The following DIAPH2 variants were observed in gnomAD, a reference collection of about 807,000 sequenced individuals.
DIAPH2 encodes diaphanous related formin 2.
In DIAPH2, 35 loss-of-function variants were observed where a neutral mutation model predicts 92.7. The ratio of observed to expected loss-of-function variants is 0.38; its 90% CI spans 0.29 to 0.50. The LOEUF (loss-of-function observed/expected upper bound fraction) is 0.50. DIAPH2 is among the 20% of genes least tolerant of loss of function. The pLI, the probability that DIAPH2 is intolerant of heterozygous loss-of-function variation, is 0.94. For missense variants in DIAPH2, 701 were observed against 819.5 expected (o/e 0.86, Z 1.77); for synonymous variants, 301 against 280.4 (o/e 1.07, Z -0.73).
chrX:97,039,886 T>G (rs751130622), intron 17 of DIAPH2, among the ~76,000 whole-genome samples: 1 of 111,766 alleles, frequency 8.9e-6, no homozygotes, highest in East Asian at 2.8e-4. Context: ...AATCTCACCA[T>G]GTAGATGAGT....
intron 4 of DIAPH2, among the ~76,000 whole-genome samples, chrX:96,846,538 G>A (rs2064973708): frequency 8.9e-6 from 1 of 112,274 alleles, no homozygotes; most frequent in Non-Finnish European, 1.9e-5. Flanking sequence ...TAAAGCAAAT[G>A]TATAAATATA....
chrX:96,881,642 C>A lies in DIAPH2; in HGVS notation c.511C>A (p.Arg171=), dbSNP rs1427552902. The change falls in exon 5 of 27, where the codon CGA becomes AGA. Residue 171 remains arginine (R), a synonymous_variant. Coordinates refer to ENST00000324765, the MANE Select transcript of DIAPH2 (RefSeq NM_006729.5). The part of the protein sequence containing the change: ...LSSQEYVHEL[R]SGISDEKLLN... ...TTCACAAGAATATGTTCATGAATTACGATCGGGTATATCAGATGAGAAACT... is the reference window on the plus strand; with the variant it reads ...TTCACAAGAATATGTTCATGAATTAAGATCGGGTATATCAGATGAGAAACT... The A allele has an allele frequency of 8.3e-7, 1 of 1,206,627 alleles. No individual in the cohort carries two copies. Among genetic ancestry groups the A allele is most frequent in the South Asian group, 1.8e-5 (1 of 56,445 alleles).
At chrX:97,378,533 G>A (rs760839119) in intron 24 of DIAPH2, among the ~76,000 whole-genome samples, 45 of 111,616 alleles carry the variant, frequency 4.0e-4, no homozygotes, top group Non-Finnish European at 7.7e-4. Context: ...GAAAGGAAAG[G>A]AAAGAAAAAA....
intron 25 of DIAPH2, among the ~76,000 whole-genome samples, chrX:97,389,245 G>T (rs2069631143): frequency 9.1e-6 from 1 of 109,373 alleles, no homozygotes; most frequent in Non-Finnish European, 1.9e-5. Flanking sequence ...TAGGCGGGTG[G>T]ATCATGAGGT....
intron 17 of DIAPH2, among the ~76,000 whole-genome samples, chrX:96,994,574 C>A (rs1228617468): frequency 9.0e-6 from 1 of 111,295 alleles, no homozygotes; most frequent in East Asian, 2.8e-4. Context: ...TATAAAATTA[C>A]TGTATTAGTC....
intron 22 of DIAPH2, among the ~76,000 whole-genome samples, chrX:97,190,023 A>T (rs1275018363): frequency 8.8e-6 from 1 of 113,313 alleles, no homozygotes; most frequent in Non-Finnish European, 1.9e-5. Flanking sequence ...TTTCACATAG[A>T]CAGTATCAAA....
chrX:97,189,962 A>G (rs891429261), intron 22 of DIAPH2, among the ~76,000 whole-genome samples: 35 of 113,309 alleles, frequency 3.1e-4, no homozygotes, highest in African/African-American at 1.1e-3. Context: ...TCCTACGTGC[A>G]TGAGTGTTTT....
At chrX:96,890,377 C>T (rs2065298901) in intron 5 of DIAPH2, among the ~76,000 whole-genome samples, 1 of 112,083 alleles carries the variant, frequency 8.9e-6, no homozygotes, top group African/African-American at 3.2e-5. Context: ...GAATGTTCCT[C>T]TATAAGGCTA....
At chrX:97,191,845 G>A (rs1367482776) in intron 22 of DIAPH2, among the ~76,000 whole-genome samples, 1 of 111,159 alleles carries the variant, frequency 9.0e-6, no homozygotes, top group Non-Finnish European at 1.9e-5. Context: ...CTCCAAATAA[G>A]TGCTGAAAAG....
intron 19 of DIAPH2, among the ~76,000 whole-genome samples, chrX:97,082,863 A>G (rs1444786174): frequency 8.9e-6 from 1 of 111,809 alleles, no homozygotes; most frequent in Non-Finnish European, 1.9e-5. Flanking sequence ...TGATGGAATT[A>G]TCAGAGAGAT....
rs977904238 is a variant in DIAPH2 at position 97,527,375 on chromosome X, C to G, written c.3242-71878C>G. Among the ~76,000 whole-genome samples the G allele has an allele frequency of 2.7e-5, 3 of 112,305 alleles. No homozygotes were observed. The South Asian group carries it at 1.1e-3, about 41-fold the overall frequency. Reference sequence around the variant, plus strand: ...AAATCTAGGCATGGAACTTCATCATCCAAACATTTTTTTCCCTGATTAAAA... The same window carrying G: ...AAATCTAGGCATGGAACTTCATCATGCAAACATTTTTTTCCCTGATTAAAA... On this transcript the variant is annotated intron_variant, in intron 26 of 26. Transcript: ENST00000324765.
chrX:97,348,941 T>G (rs1362559760), intron 24 of DIAPH2, among the ~76,000 whole-genome samples: 1 of 108,988 alleles, frequency 9.2e-6, no homozygotes. Context: ...ATTGCAATAG[T>G]AACAGAAAGA....
At chrX:96,887,342 A>G (rs1383730383) in intron 5 of DIAPH2, among the ~76,000 whole-genome samples, 1 of 111,380 alleles carries the variant, frequency 9.0e-6, no homozygotes, top group Non-Finnish European at 1.9e-5. Context: ...CTTGGCTAAT[A>G]TCCCCTTTCT....
At chrX:96,806,035 C>G (rs1303656332) in intron 4 of DIAPH2, among the ~76,000 whole-genome samples, 2 of 112,023 alleles carry the variant, frequency 1.8e-5, no homozygotes, top group Non-Finnish European at 3.8e-5. Context: ...TTCACCATCA[C>G]TATAATTGGG....
intron 26 of DIAPH2, among the ~76,000 whole-genome samples, chrX:97,430,331 T>C (rs1283517189): frequency 2.7e-5 from 3 of 112,280 alleles, no homozygotes; most frequent in Non-Finnish European, 5.6e-5. Flanking sequence ...GTAAAAGAAG[T>C]AAAACAACCT....
intron 24 of DIAPH2, among the ~76,000 whole-genome samples, chrX:97,363,413 T>C (rs1343796677): frequency 1.8e-5 from 2 of 109,608 alleles, no homozygotes; most frequent in Admixed American, 9.8e-5. Context: ...TCCCAGCACT[T>C]TGGGAGGCTG....
At chrX:96,959,711 C>T (rs952523123) in intron 16 of DIAPH2, among the ~76,000 whole-genome samples, 2 of 111,431 alleles carry the variant, frequency 1.8e-5, no homozygotes, top group African/African-American at 3.3e-5. Context: ...TGTCCTGGAG[C>T]ATTTGTCTTG....
intron 17 of DIAPH2, among the ~76,000 whole-genome samples, chrX:96,972,078 C>T (rs1421347849): frequency 2.7e-5 from 3 of 110,586 alleles, no homozygotes; most frequent in Admixed American, 9.6e-5. Flanking sequence ...GCACCTTTTT[C>T]CCCCGGTTTG....
chrX:97,039,292 T>G (rs5920706), intron 17 of DIAPH2, among the ~76,000 whole-genome samples: 3,886 of 111,442 alleles, frequency 0.035, 88 homozygotes, highest in Middle Eastern at 0.084. Flanking sequence ...TTAATTATAT[T>G]TATATGTTTA....
Sources: allele counts gnomAD v4.1 joint callset (sites outside exome capture counted in the v4.1 genomes callset), GRCh38; gene constraint gnomAD v4.1.1; transcripts MANE v1.5; gene names NCBI Gene and HGNC (gene_info 2026-07-23, HGNC 2026-07-21).